LPIN1: variants seen among roughly 807,000 people sequenced by gnomAD.
LPIN1 encodes lipin 1, also known as phosphatidate phosphatase LPIN1.
Under a neutral mutation model 107.5 loss-of-function variants are expected in LPIN1, and 71 were observed. That is an observed-to-expected ratio of 0.66 (90% CI 0.55 to 0.80). LPIN1 has a LOEUF of 0.80. LPIN1 is among the 30% of genes least tolerant of loss of function. The pLI is 0.00. For synonymous variants in LPIN1, 445 were observed against 452.6 expected, an observed-to-expected ratio of 0.98 and a Z score of 0.21; for missense variants, 1,043 against 1,160.6, an observed-to-expected ratio of 0.90 and a Z score of 1.47.
intron 2 of LPIN1, chr2:11,741,444 C>T (rs1666352145): frequency 6.6e-7 from 1 of 1,518,714 alleles, no homozygotes; most frequent in Non-Finnish European, 8.9e-7. Context: ...CACTGCTGTT[C>T]AGTAGTTCTA....
intron 1 of LPIN1, among the ~76,000 whole-genome samples, chr2:11,751,148 A>G (rs1172166840): frequency 3.3e-5 from 5 of 152,196 alleles, no homozygotes; most frequent in African/African-American, 1.2e-4. Flanking sequence ...GGAACGTGAG[A>G]ACAAGCGTCA....
At chr2:11,788,562 C>A (rs1675085365) in intron 12 of LPIN1, 106 bp downstream of exon 12, 3 of 876,434 alleles carry the variant, frequency 3.4e-6, no homozygotes, top group South Asian at 1.4e-5. Flanking sequence ...GAGTTAATTC[C>A]ACTGTGCTCT....
intron 12 of LPIN1, among the ~76,000 whole-genome samples, chr2:11,789,553 T>C (rs1447133312): frequency 6.6e-6 from 1 of 151,840 alleles, no homozygotes; most frequent in African/African-American, 2.4e-5. Flanking sequence ...TGTGTGGATG[T>C]GGATGTGCAC....
At chr2:11,815,362 A>ATT in intron 18 of LPIN1, 122 bp downstream of exon 18, 1 of 1,202,824 alleles carries the variant, frequency 8.3e-7, no homozygotes, top group Non-Finnish European at 1.2e-6. Flanking sequence ...CATGCTCCAT[A>ATT]GCAGGCACCA....
rs1162082895 is a variant in LPIN1 at position 11,825,649 on chromosome 2, G to A, written c.*858G>A. ...CACTGCCGGCTTCCTTCCATCCAGC[G>A]AGGTGGTGCTGACAGTGTGGACTTG... is the stretch of plus-strand genomic sequence containing the variant. On this transcript the variant is annotated 3_prime_UTR_variant, in exon 21 of 21. Coordinates refer to ENST00000674199, the MANE Select transcript of LPIN1 (RefSeq NM_001349206.2). The surrounding 1 kb of genome is among the most constrained non-coding windows in gnomAD (Gnocchi z 4.1). The A allele has an allele frequency of 6.6e-6, 1 of 152,580 alleles. No homozygotes were observed. Among genetic ancestry groups the A allele is most frequent in the Non-Finnish European group, 1.5e-5 (1 of 68,052 alleles). The allele number at this position is 152,580 out of a possible 1,614,324, so 9.5% of individuals were successfully genotyped here.
chr2:11,791,858 G>A (rs1350842986), intron 12 of LPIN1, 56 bp from the exon 13 acceptor site: 2 of 1,595,028 alleles, frequency 1.3e-6, no homozygotes, highest in Non-Finnish European at 1.7e-6. Flanking sequence ...TGGTTTGAAT[G>A]TGCTAAGTTG....
intron 17 of LPIN1, among the ~76,000 whole-genome samples, chr2:11,806,559 C>T (rs984539445): frequency 6.6e-6 from 1 of 151,820 alleles, no homozygotes; most frequent in Non-Finnish European, 1.5e-5. Context: ...AGTGAGATTC[C>T]CCCCCATCTC....
chr2:11,797,095 A>G (rs1179218076), intron 14 of LPIN1, among the ~76,000 whole-genome samples: 2 of 152,198 alleles, frequency 1.3e-5, no homozygotes, highest in Admixed American at 1.3e-4. Flanking sequence ...AACTTAAACC[A>G]ACTTAAATAG....
chr2:11,802,790 G>A (rs889290256), intron 14 of LPIN1, 117 bp from the exon 15 acceptor site: 6 of 1,223,766 alleles, frequency 4.9e-6, no homozygotes, highest in Middle Eastern at 2.7e-4. Context: ...ATGACCACCC[G>A]AGAGACGGGA....
At chr2:11,780,887 A>G (rs1009314075) in intron 7 of LPIN1, among the ~76,000 whole-genome samples, 3 of 152,190 alleles carry the variant, frequency 2.0e-5, no homozygotes, top group South Asian at 4.1e-4. Flanking sequence ...CAGTTTCCCT[A>G]TCTTGGATAT....
intron 2 of LPIN1, 61 bp from the exon 3 acceptor site, chr2:11,767,702 A>G (rs948194394): frequency 1.9e-6 from 2 of 1,064,460 alleles, no homozygotes; most frequent in Admixed American, 1.7e-5. Context: ...GGCCGTCCCC[A>G]TGAGGTCTCC....
At chr2:11,798,262 G>A (rs576785683) in intron 14 of LPIN1, among the ~76,000 whole-genome samples, 11 of 152,316 alleles carry the variant, frequency 7.2e-5, no homozygotes, top group African/African-American at 2.2e-4. Context: ...GACTAATACA[G>A]CCAGTCTTAG....
intron 1 of LPIN1, among the ~76,000 whole-genome samples, chr2:11,749,464 A>G (rs1477884654): frequency 6.6e-6 from 1 of 151,898 alleles, no homozygotes; most frequent in Non-Finnish European, 1.5e-5. Flanking sequence ...TCCTCTTTCC[A>G]CAGCTTTCCC....
At chr2:11,750,094 G>T (rs756638029) in intron 1 of LPIN1, among the ~76,000 whole-genome samples, 14 of 145,034 alleles carry the variant, frequency 9.7e-5, no homozygotes, top group African/African-American at 3.4e-4. Context: ...TCCCCTCCCC[G>T]GCCTCGCTCC....
chr2:11,784,929 G>C lies in LPIN1; in HGVS notation c.1402G>C (p.Ala468Pro), dbSNP rs866027062. The C allele has an allele frequency of 2.5e-6, 4 of 1,613,866 alleles. No individual in the cohort carries two copies. In the Admixed American group the frequency reaches 6.7e-5, roughly 27 times the overall value. ...CGCAAAACATGCAAGCGACAACGGA[G>C]CCCGGTCAGCCAACCAGTCCCCGCA... ...GLAKHASDNG[A>P]RSANQSPQSV... is the part of the protein sequence containing the mutation. Residue 468 changes from alanine (A) to proline (P), a missense_variant, in exon 10 of 21, where the codon GCC becomes CCC. Coordinates refer to ENST00000674199, the MANE Select transcript of LPIN1 (RefSeq NM_001349206.2).
chr2:11,678,997 G>T (rs574768252), intron 1 of LPIN1, among the ~76,000 whole-genome samples: 1 of 152,316 alleles, frequency 6.6e-6, no homozygotes, highest in African/African-American at 2.4e-5. Context: ...TTCCTTTGCT[G>T]GAATGTCTCT....
At position 11,697,603 on chromosome 2, in the gene LPIN1, G is replaced by A. The variant is rs116104640; in HGVS notation, c.82-16153G>A. Among the ~76,000 whole-genome samples, 1,010 of 152,332 alleles carry A rather than the reference G, an allele frequency of 6.6e-3. 12 individuals carry two copies. Among genetic ancestry groups the A allele is most frequent in the African/African-American group, 0.023 (956 of 41,574 alleles). On this transcript the variant is annotated intron_variant, in intron 1 of 21. Coordinates refer to the LPIN1 transcript ENST00000449576. The surrounding 1 kb of genome is among the most constrained non-coding windows in gnomAD (Gnocchi z 4.6). ...TGACTCCTTCCCTTGCCTGCCACTGGTAGTGACCTGGCCTGGGGACAGGGA... is the reference window on the plus strand; with the variant it reads ...TGACTCCTTCCCTTGCCTGCCACTGATAGTGACCTGGCCTGGGGACAGGGA...
intron 11 of LPIN1, among the ~76,000 whole-genome samples, chr2:11,787,560 C>A (rs1572830016): frequency 6.6e-6 from 1 of 151,994 alleles, no homozygotes; most frequent in East Asian, 1.9e-4. Context: ...GCCACTACAC[C>A]CAGCTCGATG....
chr2:11,692,623 G>A (rs1662330451), intron 1 of LPIN1, among the ~76,000 whole-genome samples: 1 of 151,332 alleles, frequency 6.6e-6, no homozygotes, highest in East Asian at 1.9e-4. Flanking sequence ...CCCTACACAT[G>A]CGTCCACCTC....
Sources: gnomAD v4.1 joint callset for allele counts (sites outside exome capture counted in the v4.1 genomes callset) on GRCh38, gnomAD v4.1.1 for gene constraint, Gnocchi (gnomAD v3.1) non-coding constraint, MANE v1.5 for transcripts, NCBI Gene and HGNC (gene_info 2026-07-23, HGNC 2026-07-21) for gene names.